THSD4: variants seen among roughly 807,000 people sequenced by gnomAD.
THSD4 encodes thrombospondin type 1 domain containing 4.
In THSD4, 69 loss-of-function variants were observed where a neutral mutation model predicts 119.0. The observed-to-expected ratio is 0.58, with a 90% CI of 0.48 to 0.71. THSD4 has a LOEUF of 0.71. Among genes scored for constraint, THSD4 ranks in the 30% least tolerant of loss-of-function variants. The pLI is 0.00. For missense variants in THSD4, 1,393 were observed against 1,391.1 expected (o/e 1.00, Z -0.02); for synonymous variants, 524 against 540.4 (o/e 0.97, Z 0.42).
rs571072234 is a variant in THSD4 at position 71,348,266 on chromosome 15, C to G, written c.1016-63421C>G. On this transcript the variant is annotated intron_variant, in intron 6 of 17. Transcript: ENST00000261862. ...TTTCAAACTTTAATGTGCGGAAGAA[C>G]CACTGAAAACTGTTGTTAGAATGCA... The G allele has an allele frequency of 2.0e-5, 3 of 152,296 alleles. No homozygotes were observed. The East Asian group carries it at 5.8e-4, about 29-fold the overall frequency. The allele number at this position is 152,296 out of a possible 1,614,324, so 9.4% of individuals were successfully genotyped here.
At chr15:71,770,753 A>G (rs1196866234) in intron 16 of THSD4, among the ~76,000 whole-genome samples, 1 of 152,228 alleles carries the variant, frequency 6.6e-6, no homozygotes, top group Non-Finnish European at 1.5e-5. Flanking sequence ...TTCTAGGGAG[A>G]ATAATGATAC....
chr15:71,109,301 G>A (rs1203844405), intron 1 of THSD4, among the ~76,000 whole-genome samples: 2 of 152,196 alleles, frequency 1.3e-5, no homozygotes, highest in African/African-American at 2.4e-5. Context: ...TGGCACTAGA[G>A]CTGCATGGTA....
At chr15:71,528,791 G>C (rs1362270313) in intron 7 of THSD4, among the ~76,000 whole-genome samples, 1 of 152,112 alleles carries the variant, frequency 6.6e-6, no homozygotes, top group African/African-American at 2.4e-5. Flanking sequence ...CAGGAGCAGA[G>C]GGGGAAATCT....
At chr15:71,457,928 A>G (rs2140602878) in intron 7 of THSD4, among the ~76,000 whole-genome samples, 1 of 152,288 alleles carries the variant, frequency 6.6e-6, no homozygotes, top group South Asian at 2.1e-4. Context: ...CGCCATGACA[A>G]TGCCTAGCAT....
At chr15:71,362,513 A>G (rs2045905010) in intron 6 of THSD4, among the ~76,000 whole-genome samples, 1 of 152,192 alleles carries the variant, frequency 6.6e-6, no homozygotes, top group African/African-American at 2.4e-5. Context: ...TGAGAGAGAA[A>G]AGCCTAGCCT....
chr15:71,679,700 C>A (rs2051733853), intron 8 of THSD4, among the ~76,000 whole-genome samples: 1 of 152,236 alleles, frequency 6.6e-6, no homozygotes, highest in African/African-American at 2.4e-5. Context: ...AGGCCTGTTT[C>A]ATCCTGAACC....
chr15:71,167,497 T>A (rs139183921), intron 3 of THSD4, among the ~76,000 whole-genome samples: 1 of 152,352 alleles, frequency 6.6e-6, no homozygotes, highest in African/African-American at 2.4e-5. Flanking sequence ...TTTTGGAATT[T>A]GAAGTGGGAA....
intron 7 of THSD4, among the ~76,000 whole-genome samples, chr15:71,542,826 G>A (rs560908685): frequency 3.3e-5 from 5 of 151,182 alleles, no homozygotes; most frequent in African/African-American, 4.9e-5. Context: ...GCAGTGAGCC[G>A]AGATTGTGCC....
At position 71,688,651 on chromosome 15, in the gene THSD4, T is replaced by G. The variant is rs140433110; in HGVS notation, c.1357+27917T>G. On this transcript the variant is annotated intron_variant, in intron 8 of 17. Coordinates refer to ENST00000261862, the MANE Select transcript of THSD4 (RefSeq NM_024817.3). ...AGGTTCCCTGTTTAATCATCTTCATTGTTTTGTTTTGTTTTTTTCTTTTTT... is the reference window on the plus strand; with the variant it reads ...AGGTTCCCTGTTTAATCATCTTCATGGTTTTGTTTTGTTTTTTTCTTTTTT... Among the ~76,000 whole-genome samples the G allele has an allele frequency of 1.0e-3, 156 of 151,736 alleles. 1 individual carries two copies. The highest frequency in any genetic ancestry group is 2.0e-3 in the Non-Finnish European group (134 of 67,958).
chr15:71,496,728 A>G lies in THSD4; in HGVS notation c.1152+84905A>G, dbSNP rs549586133. Among the ~76,000 whole-genome samples, 8 of 152,358 alleles carry G rather than the reference A, an allele frequency of 5.3e-5. No individual in the cohort carries two copies. The South Asian group carries it at 1.7e-3, about 32-fold the overall frequency. ...CAGGCACAATGATGCTTGGAATAAA[A>G]CTAGGGTTCTGTCCTTAGGGAGAAG... is the stretch of plus-strand genomic sequence containing the variant. On this transcript the variant is annotated intron_variant, in intron 7 of 17. Coordinates refer to ENST00000261862, the MANE Select transcript of THSD4 (RefSeq NM_024817.3).
chr15:71,446,149 G>C (rs536567186), intron 7 of THSD4, among the ~76,000 whole-genome samples: 1 of 152,270 alleles, frequency 6.6e-6, no homozygotes, highest in Admixed American at 6.5e-5. Flanking sequence ...TCCATCCCCT[G>C]ACTCTATCCC....
chr15:71,210,111 C>T (rs2043877296), intron 3 of THSD4, among the ~76,000 whole-genome samples: 1 of 152,174 alleles, frequency 6.6e-6, no homozygotes, highest in African/African-American at 2.4e-5. Context: ...ACCTTCTGTT[C>T]ACATGTACAC....
intron 6 of THSD4, among the ~76,000 whole-genome samples, chr15:71,403,693 G>T (rs2046569370): frequency 6.6e-6 from 1 of 152,176 alleles, no homozygotes; most frequent in Non-Finnish European, 1.5e-5. Flanking sequence ...ACAAATAGTA[G>T]GGTTGCTTAT....
intron 6 of THSD4, among the ~76,000 whole-genome samples, chr15:71,279,598 G>A (rs2044628710): frequency 6.6e-6 from 1 of 152,068 alleles, no homozygotes; most frequent in Admixed American, 6.6e-5. Context: ...AGGGTGCCTG[G>A]GGCATCCGTA....
At chr15:71,706,206 C>T (rs1405269029) in intron 8 of THSD4, among the ~76,000 whole-genome samples, 1 of 152,094 alleles carries the variant, frequency 6.6e-6, no homozygotes, top group African/African-American at 2.4e-5. Context: ...TTTGACTGCT[C>T]ATGGTGGAAT....
chr15:71,437,068 A>G (rs950404735), intron 7 of THSD4, among the ~76,000 whole-genome samples: 1 of 152,238 alleles, frequency 6.6e-6, no homozygotes, highest in African/African-American at 2.4e-5. Context: ...TGGTGTTGGC[A>G]TCTGCTCAGC....
intron 7 of THSD4, among the ~76,000 whole-genome samples, chr15:71,414,035 T>TA (rs2046724851): frequency 6.6e-6 from 1 of 152,216 alleles, no homozygotes. Flanking sequence ...AATGTAATGG[T>TA]AGAGTATAAT....
At chr15:71,147,792 T>A (rs2040677843) in intron 2 of THSD4, 1 of 151,988 alleles carries the variant, frequency 6.6e-6, no homozygotes, top group Admixed American at 6.6e-5. Context: ...GATGAAACCC[T>A]GTCTCTACAG....
intron 7 of THSD4, among the ~76,000 whole-genome samples, chr15:71,582,104 G>T (rs2049570803): frequency 6.6e-6 from 1 of 151,990 alleles, no homozygotes; most frequent in South Asian, 2.1e-4. Context: ...TGGTAGTATG[G>T]ACATCTTTAA....
Sources: gnomAD v4.1 joint callset for allele counts (sites outside exome capture counted in the v4.1 genomes callset) on GRCh38, gnomAD v4.1.1 for gene constraint, MANE v1.5 for transcripts, NCBI Gene and HGNC (gene_info 2026-07-23, HGNC 2026-07-21) for gene names.